Variants in MAS1 observed in about 807,000 individuals in gnomAD.
MAS1 encodes the protein proto-oncogene Mas.
For missense variants in MAS1, 387 were observed against 409.7 expected, an observed-to-expected ratio of 0.94 and a Z score of 0.48; for synonymous variants, 163 against 164.2, an observed-to-expected ratio of 0.99 and a Z score of 0.05.
At chr6:159,899,791 T>C (rs1020636620) in intron 2 of MAS1, among the ~76,000 whole-genome samples, 1 of 152,188 alleles carries the variant, frequency 6.6e-6, no homozygotes, top group African/African-American at 2.4e-5. Flanking sequence ...CTCATGCCTG[T>C]AATCCCAGCA....
intron 1 of MAS1, among the ~76,000 whole-genome samples, chr6:159,896,001 G>A (rs1782750316): frequency 6.6e-6 from 1 of 152,210 alleles, no homozygotes; most frequent in Non-Finnish European, 1.5e-5. Context: ...TCCAAGGCTA[G>A]GGGATTATTA....
At position 159,909,578 on chromosome 6, in the gene MAS1, G is replaced by A. The variant is rs896605586; in HGVS notation, c.*1645G>A. Reference sequence around the variant, plus strand: ...GAGCCCAGATGGGGTGTGGAGCAATGACATTTAGAATGATCTTGTTTTTGG... The same window carrying A: ...GAGCCCAGATGGGGTGTGGAGCAATAACATTTAGAATGATCTTGTTTTTGG... On this transcript the variant is annotated 3_prime_UTR_variant, in exon 3 of 3. Transcript: ENST00000674077. 3 of 152,184 alleles carry A rather than the reference G, an allele frequency of 2.0e-5. No individual in the cohort carries two copies. Among genetic ancestry groups the A allele is most frequent in the Non-Finnish European group, 4.4e-5 (3 of 68,028 alleles). 9.4% of individuals were successfully genotyped at this position (152,184 alleles called of 1,614,324 possible).
rs1782954271 is a variant in MAS1, at chr6:159,910,593, C to T, written c.*2660C>T. 1 of 152,260 alleles carries T rather than the reference C, an allele frequency of 6.6e-6. No individual in the cohort carries two copies. The highest frequency in any genetic ancestry group is 2.4e-5 in the African/African-American group (1 of 41,428). 9.4% of individuals were successfully genotyped at this position (152,260 alleles called of 1,614,324 possible). On this transcript the variant is annotated 3_prime_UTR_variant, in exon 3 of 3. Coordinates refer to ENST00000674077, the MANE Select transcript of MAS1 (RefSeq NM_002377.4). ...ACGTAGCTTTGCTCACTGCTGTAGC[C>T]CCAGCTTATTTGCTGTGTTGGTCGA...
rs1554229737 is a variant in MAS1, at chr6:159,912,716, G to A, written c.*4783G>A. ...AGTCTCTCTCACTGCCTCATCTACA[G>A]TTTTGTGGATCAGTCTTGTGATGCC... On this transcript the variant is annotated 3_prime_UTR_variant, in exon 3 of 3. Coordinates refer to ENST00000674077, the MANE Select transcript of MAS1 (RefSeq NM_002377.4). The A allele has an allele frequency of 6.6e-6, 1 of 152,210 alleles. No individual in the cohort carries two copies. Among genetic ancestry groups the A allele is most frequent in the Non-Finnish European group, 1.5e-5 (1 of 68,034 alleles). The allele number at this position is 152,210 out of a possible 1,614,324, so 9.4% of individuals were successfully genotyped here. A position where few individuals can be genotyped will look rare whatever the true frequency, so the allele number is the denominator to read the frequency against.
At chr6:159,897,262 A>C (rs1160142180) in intron 1 of MAS1, among the ~76,000 whole-genome samples, 1 of 152,116 alleles carries the variant, frequency 6.6e-6, no homozygotes, top group Admixed American at 6.6e-5. Flanking sequence ...GGATGAAGTC[A>C]CAGGAAGTTC....
chr6:159,895,219 G>A (rs2098335291), intron 1 of MAS1, among the ~76,000 whole-genome samples: 2 of 152,162 alleles, frequency 1.3e-5, no homozygotes, highest in African/African-American at 4.8e-5. Flanking sequence ...TAGAAATAGT[G>A]CCAATTTGGA....
Position 159,914,062 on chromosome 6 carries a change from A to G in MAS1, c.*6129A>G, listed in dbSNP as rs1211221747. The G allele has an allele frequency of 6.6e-6, 1 of 151,946 alleles. No individual in the cohort carries two copies. Among genetic ancestry groups the G allele is most frequent in the Non-Finnish European group, 1.5e-5 (1 of 67,996 alleles). The allele number at this position is 151,946 out of a possible 1,614,324, so 9.4% of individuals were successfully genotyped here. A position where few individuals can be genotyped will look rare whatever the true frequency, so the allele number is the denominator to read the frequency against. ...GGCAAGTGCCAGGCACAAATGAAAC[A>G]CTCTTTTCTGGAGGAGACCAACAGT... On this transcript the variant is annotated 3_prime_UTR_variant, in exon 3 of 3. Transcript: ENST00000674077.
chr6:159,907,502 G>A lies in MAS1; in HGVS notation c.547G>A (p.Asp183Asn), dbSNP rs1388276677. 5.0e-6 allele frequency: 8 copies of A among 1,613,896 alleles called. No homozygotes were observed. The African/African-American group carries it at 9.3e-5, about 19-fold the overall frequency. Residue 183 changes from aspartate to asparagine, a missense_variant, in exon 3 of 3, where the codon GAC becomes AAC. Coordinates refer to ENST00000674077, the MANE Select transcript of MAS1 (RefSeq NM_002377.4). Reference protein sequence around the residue: ...DREEESHSRNDCRAVIIFIAI... With the variant: ...DREEESHSRNNCRAVIIFIAI... Reference sequence around the variant, plus strand: ...AGAAGAAGAGAGTCACTCTCGGAATGACTGCCGAGCAGTCATCATCTTTAT... The same window carrying A: ...AGAAGAAGAGAGTCACTCTCGGAATAACTGCCGAGCAGTCATCATCTTTAT...
At chr6:159,890,433 C>T (rs76718511), upstream of MAS1, among the ~76,000 whole-genome samples, 1,402 of 152,282 alleles carry the variant, frequency 9.2e-3, 29 homozygotes, top group African/African-American at 0.032. Context: ...CCTGCCTTCA[C>T]CCCTGAACAC....
Position 159,916,772 on chromosome 6 carries a change from G to C in MAS1, c.*8839G>C, listed in dbSNP as rs1783031850. ...CTCCCCTGATTCCAATGAAGCTGCT[G>C]TTGAGGGCCGGATAGCAGCCACTCT... On this transcript the variant is annotated 3_prime_UTR_variant, in exon 3 of 3. Coordinates refer to ENST00000674077, the MANE Select transcript of MAS1 (RefSeq NM_002377.4). 6.6e-6 allele frequency among the ~76,000 whole-genome samples: 1 copy of C among 152,240 alleles called. No individual in the cohort carries two copies. The highest frequency in any genetic ancestry group is 6.5e-5 in the Admixed American group (1 of 15,290).
At chr6:159,892,158 T>G (rs1247897480) in intron 1 of MAS1, among the ~76,000 whole-genome samples, 2 of 152,164 alleles carry the variant, frequency 1.3e-5, no homozygotes, top group Non-Finnish European at 2.9e-5. Flanking sequence ...GGCCCTAGTG[T>G]GGGGAAGACG....
intron 1 of MAS1, among the ~76,000 whole-genome samples, chr6:159,892,620 A>T (rs1302114215): frequency 6.6e-6 from 1 of 151,686 alleles, no homozygotes; most frequent in East Asian, 1.9e-4. Context: ...GGCATTTAGA[A>T]CTCTCTGCTG....
chr6:159,898,949 C>T (rs1583211914), intron 1 of MAS1, among the ~76,000 whole-genome samples: 1 of 152,188 alleles, frequency 6.6e-6, no homozygotes, highest in East Asian at 1.9e-4. Context: ...GAGCACCAGA[C>T]ACACTGGAGC....
At chr6:159,903,687 C>A (rs1782849576) in intron 2 of MAS1, among the ~76,000 whole-genome samples, 1 of 152,196 alleles carries the variant, frequency 6.6e-6, no homozygotes, top group Admixed American at 6.5e-5. Context: ...CAGCCACACA[C>A]CCTGCCTTCC....
rs1476012881 is a variant in MAS1, at chr6:159,907,004, A to G, written c.49A>G (p.Ile17Val). The G allele has an allele frequency of 6.8e-6, 11 of 1,612,484 alleles. 1 individual carries two copies. The highest frequency in any genetic ancestry group is 1.3e-5 in the African/African-American group (1 of 75,030). The stretch of plus-strand genomic sequence containing the variant: ...ATTTGTTGTTGAGGAACCCACGAAC[A>G]TCTCAACTGGCAGGAACGCCTCAGT... The part of the protein sequence containing the change: ...TSFVVEEPTN[I>V]STGRNASVGN... The change falls in exon 3 of 3, where the codon ATC becomes GTC. Residue 17 changes from isoleucine to valine, a missense_variant. Physicochemically the swap from Ile to Val is conservative, Grantham distance 29. Coordinates refer to ENST00000674077, the MANE Select transcript of MAS1 (RefSeq NM_002377.4).
intron 1 of MAS1, among the ~76,000 whole-genome samples, chr6:159,896,448 T>C (rs1782754892): frequency 6.6e-6 from 1 of 152,136 alleles, no homozygotes; most frequent in Admixed American, 6.5e-5. Flanking sequence ...TACCAAAAGA[T>C]TATAAAATGC....
intron 2 of MAS1, chr6:159,902,341 A>G (rs1035180065): frequency 6.6e-6 from 1 of 152,166 alleles, no homozygotes; most frequent in Non-Finnish European, 1.5e-5. Flanking sequence ...GTTGGCCAAC[A>G]TGGCAGCCCC....
At chr6:159,894,529 G>A (rs1271519701) in intron 1 of MAS1, among the ~76,000 whole-genome samples, 1 of 152,086 alleles carries the variant, frequency 6.6e-6, no homozygotes, top group Non-Finnish European at 1.5e-5. Context: ...AGGAAAGCAG[G>A]AGGAGAGCCA....
rs7767945 is a variant in MAS1 at position 159,909,364 on chromosome 6, T to G, written c.*1431T>G. The G allele has an allele frequency of 0.43, 64,671 of 152,112 alleles. 14,942 individuals are homozygous for G. Among genetic ancestry groups the G allele is most frequent in the East Asian group, 0.69 (3,559 of 5,172 alleles). The allele number at this position is 152,112 out of a possible 1,614,324, so 9.4% of individuals were successfully genotyped here. Reference sequence around the variant, plus strand: ...AAGGTCAGAGAGGCAGTGATGTAATTGTTCTCTGTTGCTGCTTGTCCTTCC... The same window carrying G: ...AAGGTCAGAGAGGCAGTGATGTAATGGTTCTCTGTTGCTGCTTGTCCTTCC... On this transcript the variant is annotated 3_prime_UTR_variant, in exon 3 of 3. Transcript: ENST00000674077.
Sources: gnomAD v4.1 joint callset for allele counts (sites outside exome capture counted in the v4.1 genomes callset) on GRCh38, gnomAD v4.1.1 for gene constraint, MANE v1.5 for transcripts, NCBI Gene and HGNC (gene_info 2026-07-23, HGNC 2026-07-21) for gene names.